The following FREM3 variants were observed in gnomAD, a reference collection of about 807,000 sequenced individuals.
FREM3 encodes FRAS1 related extracellular matrix 3.
FREM3 carries 105 observed loss-of-function variants against 129.1 expected under a neutral mutation model. That is an observed-to-expected ratio of 0.81 (90% CI 0.69 to 0.96). FREM3 has a LOEUF of 0.96. Among genes scored for constraint, FREM3 ranks in the 40% least tolerant of loss-of-function variants. The pLI is 0.00. For missense variants in FREM3, 2,593 were observed against 2,666.3 expected (o/e 0.97, Z 0.61); for synonymous variants, 1,014 against 1,044.9 (o/e 0.97, Z 0.57).
At position 143,699,355 on chromosome 4, in the gene FREM3, G is replaced by A; in HGVS notation, c.1321C>T (p.Leu441Phe). 1 of 1,537,356 alleles carries A rather than the reference G, an allele frequency of 6.5e-7. No homozygotes were observed. The highest frequency in any genetic ancestry group is 8.7e-7 in the Non-Finnish European group (1 of 1,146,936). Residue 441 changes from leucine (L) to phenylalanine (F), a missense_variant, in exon 1 of 8, where the codon CTT becomes TTT. Physicochemically the swap from Leu to Phe is conservative, Grantham distance 22. Around this residue, in one of 2 missense-constraint regions of FREM3, gnomAD observed 2,276 missense variants for 2,267.2 expected, o/e 1.00. Transcript: ENST00000329798. The surrounding 1 kb of genome is among the most constrained non-coding windows in gnomAD (Gnocchi z 4.2). ...CTTGACTGACCTTCAAAAAGCACAA[G>A]TCCCCTGTTATGGCTAGCCACTGGG... is the stretch of plus-strand genomic sequence containing the variant. Reference protein sequence around the residue: ...LVPVASHNRGLVLFEGQSRPL... With the variant: ...LVPVASHNRGFVLFEGQSRPL...
At chr4:143,631,811 G>A (rs934008115) in intron 2 of FREM3, among the ~76,000 whole-genome samples, 1 of 152,062 alleles carries the variant, frequency 6.6e-6, no homozygotes, top group African/African-American at 2.4e-5. Flanking sequence ...AAACTTACAA[G>A]GGCATGGTAC....
At chr4:143,592,636 G>T (rs1271214858) in intron 6 of FREM3, among the ~76,000 whole-genome samples, 2 of 152,156 alleles carry the variant, frequency 1.3e-5, no homozygotes, top group East Asian at 3.8e-4. Flanking sequence ...GCTTCCCTTT[G>T]TGGGTAACCC....
chr4:143,660,298 A>C (rs1739686647), intron 2 of FREM3, among the ~76,000 whole-genome samples: 1 of 152,130 alleles, frequency 6.6e-6, no homozygotes, highest in Non-Finnish European at 1.5e-5. Context: ...AGCTTTCTAC[A>C]TATGGCTAGC....
intron 2 of FREM3, among the ~76,000 whole-genome samples, chr4:143,672,444 A>T (rs954559699): frequency 6.6e-6 from 1 of 152,222 alleles, no homozygotes; most frequent in Admixed American, 6.5e-5. Context: ...TCTTTGTATG[A>T]AAAAGCATAT....
rs1306941929 is a variant in FREM3 at position 143,693,129 on chromosome 4, G to A, written c.5259C>T (p.Phe1753=). Residue 1753 remains phenylalanine, a synonymous_variant, in exon 2 of 8, where the codon TTC becomes TTT. Coordinates refer to ENST00000329798, the MANE Select transcript of FREM3 (RefSeq NM_001168235.2). ...GSNASKDIFY[F]SVEDNGGNKL... is the part of the protein sequence containing the mutation. ...ATGACTTACCATTGTCTTCAACAGA[G>A]AAATAGAAGATGTCCTTTGATGCGT... is the stretch of plus-strand genomic sequence containing the variant. 1 of 1,500,950 alleles carries A rather than the reference G, an allele frequency of 6.7e-7. No homozygotes were observed. The highest frequency in any genetic ancestry group is 2.5e-5 in the East Asian group (1 of 40,256). 93.0% of individuals were successfully genotyped at this position (1,500,950 alleles called of 1,614,324 possible).
chr4:143,624,903 C>A (rs1739016380), intron 3 of FREM3, among the ~76,000 whole-genome samples: 1 of 152,120 alleles, frequency 6.6e-6, no homozygotes, highest in Non-Finnish European at 1.5e-5. Flanking sequence ...TTTCCTCTTG[C>A]TGATTCTTAC....
intron 6 of FREM3, among the ~76,000 whole-genome samples, chr4:143,609,205 T>G (rs1219729572): frequency 2.0e-5 from 3 of 152,166 alleles, no homozygotes; most frequent in Non-Finnish European, 4.4e-5. Context: ...CTTTGCTGAC[T>G]CTGTTGTTCC....
chr4:143,644,321 G>C (rs928352022), intron 2 of FREM3, among the ~76,000 whole-genome samples: 1 of 151,948 alleles, frequency 6.6e-6, no homozygotes, highest in Admixed American at 6.6e-5. Context: ...TTATGCATAC[G>C]TGAGCTCTTT....
Position 143,627,758 on chromosome 4 carries a change from C to G in FREM3, c.5278G>C (p.Gly1760Arg), listed in dbSNP as rs1186696375. 2.6e-6 allele frequency: 4 copies of G among 1,534,362 alleles called. No individual in the cohort carries two copies. Among genetic ancestry groups the G allele is most frequent in the Non-Finnish European group, 3.5e-6 (4 of 1,144,764 alleles). The stretch of plus-strand genomic sequence containing the variant: ...AAAGGCTGATTTGTTAGTTTATTTC[C>G]TCCTGCAATTGATAGGGGCAAAGGA... ...IFYFSVEDNG[G>R]NKLTNQPFHL... Residue 1760 changes from glycine to arginine, a missense_variant and splice_region_variant, in exon 3 of 8, where the codon GGA becomes CGA. Gly to Arg is a moderately radical substitution (Grantham distance 125, BLOSUM62 -2). Transcript: ENST00000329798.
At position 143,635,390 on chromosome 4, in the gene FREM3, A is replaced by T. The variant is rs569773056; in HGVS notation, c.5276-7630T>A. On this transcript the variant is annotated intron_variant, in intron 2 of 7. Transcript: ENST00000329798. Reference sequence around the variant, plus strand: ...GTAGCTACGTATGTAGTTATACTCTAGTGCATGATTTTCCATCTCAGTACT... The same window carrying T: ...GTAGCTACGTATGTAGTTATACTCTTGTGCATGATTTTCCATCTCAGTACT... Among the ~76,000 whole-genome samples, 19 of 152,268 alleles carry T rather than the reference A, an allele frequency of 1.2e-4. No individual in the cohort carries two copies. The South Asian group carries it at 3.7e-3, about 30-fold the overall frequency.
At chr4:143,686,318 T>C (rs1740362816) in intron 2 of FREM3, among the ~76,000 whole-genome samples, 1 of 152,058 alleles carries the variant, frequency 6.6e-6, no homozygotes, top group Non-Finnish European at 1.5e-5. Context: ...AGCTCCCAAA[T>C]TTATAAAGCA....
chr4:143,694,633 T>A (rs533545537), intron 1 of FREM3, among the ~76,000 whole-genome samples: 1 of 152,192 alleles, frequency 6.6e-6, no homozygotes, highest in Non-Finnish European at 1.5e-5. Context: ...ATTGCATTCT[T>A]TCTTTTTTTG....
intron 6 of FREM3, among the ~76,000 whole-genome samples, chr4:143,594,611 C>G (rs150219995): frequency 6.6e-6 from 1 of 152,046 alleles, no homozygotes; most frequent in Non-Finnish European, 1.5e-5. Context: ...TATTGTGTGG[C>G]ATTGGGGAAG....
intron 5 of FREM3, among the ~76,000 whole-genome samples, chr4:143,618,148 C>T (rs577546508): frequency 1.3e-5 from 2 of 152,132 alleles, no homozygotes; most frequent in African/African-American, 4.8e-5. Context: ...AAATGAATAG[C>T]GAGGCTCAGT....
chr4:143,656,599 A>G (rs547499544), intron 2 of FREM3, among the ~76,000 whole-genome samples: 3 of 152,304 alleles, frequency 2.0e-5, no homozygotes, highest in African/African-American at 7.2e-5. Flanking sequence ...GTGAAAGACC[A>G]AATAGACAAA....
rs181396431 is a variant in FREM3, at chr4:143,688,685, C to A, written c.5275+4428G>T. On this transcript the variant is annotated intron_variant, in intron 2 of 7. Transcript: ENST00000329798. ...CTGGTACAAAAATAGGCACATAGAC[C>A]AATGGAACAGAACAGAGAACCCATA... 3.0e-3 allele frequency among the ~76,000 whole-genome samples: 462 copies of A among 152,208 alleles called. 2 individuals carry two copies. The highest frequency in any genetic ancestry group is 2.4e-3 in the Non-Finnish European group (165 of 68,008).
chr4:143,675,272 AC>A (rs1460843245), intron 2 of FREM3, among the ~76,000 whole-genome samples: 1 of 152,152 alleles, frequency 6.6e-6, no homozygotes, highest in African/African-American at 2.4e-5. Context: ...AAACTGAACA[AC>A]CTGCTCCTGA....
intron 2 of FREM3, among the ~76,000 whole-genome samples, chr4:143,682,191 C>A (rs1371259389): frequency 6.6e-6 from 1 of 152,062 alleles, no homozygotes; most frequent in Non-Finnish European, 1.5e-5. Flanking sequence ...AGGCAGGGGA[C>A]CTAAGGCTGT....
At chr4:143,662,763 G>T (rs1249692461) in intron 2 of FREM3, among the ~76,000 whole-genome samples, 1 of 151,922 alleles carries the variant, frequency 6.6e-6, no homozygotes, top group Non-Finnish European at 1.5e-5. Flanking sequence ...GAATCTGGGT[G>T]CTCCTGTATT....
Sources: gnomAD v4.1 joint callset for allele counts (sites outside exome capture counted in the v4.1 genomes callset) on GRCh38, gnomAD v4.1.1 for gene constraint, gnomAD v4.1.1 regional missense constraint, Gnocchi (gnomAD v3.1) non-coding constraint, MANE v1.5 for transcripts, NCBI Gene and HGNC (gene_info 2026-07-23, HGNC 2026-07-21) for gene names.